The following WRN variants were observed in gnomAD, a reference collection of about 807,000 sequenced individuals.
The protein encoded by WRN is bifunctional 3'-5' exonuclease/ATP-dependent helicase WRN.
WRN carries 149 observed loss-of-function variants against 180.7 expected under a neutral mutation model. The observed-to-expected ratio is 0.82, with a 90% confidence interval of 0.72 to 0.94. WRN has a LOEUF of 0.94. Ranked by LOEUF, WRN falls within the 40% of genes least tolerant of loss-of-function variation. The pLI is 0.00. For missense variants in WRN, 1,661 were observed against 1,700.1 expected (o/e 0.98, Z 0.40); for synonymous variants, 548 against 568.9 (o/e 0.96, Z 0.52).
At chr8:31,154,228 G>A (rs1803274656) in intron 31 of WRN, among the ~76,000 whole-genome samples, 1 of 151,936 alleles carries the variant, frequency 6.6e-6, no homozygotes, top group South Asian at 2.1e-4. Flanking sequence ...CGATATATTA[G>A]TGGTTATAGT....
At chr8:31,084,933 T>C (rs1166974776) in intron 10 of WRN, among the ~76,000 whole-genome samples, 1 of 152,162 alleles carries the variant, frequency 6.6e-6, no homozygotes, top group Non-Finnish European at 1.5e-5. Flanking sequence ...TTTGTCTCTT[T>C]ATCTAACTTT....
At chr8:31,082,759 G>T (rs1813369341) in intron 9 of WRN, among the ~76,000 whole-genome samples, 1 of 151,916 alleles carries the variant, frequency 6.6e-6, no homozygotes, top group South Asian at 2.1e-4. Flanking sequence ...ACCACACCCG[G>T]CTAATTTTTG....
intron 23 of WRN, among the ~76,000 whole-genome samples, chr8:31,126,379 AC>A (rs1801933378): frequency 6.6e-6 from 1 of 152,228 alleles, no homozygotes; most frequent in Non-Finnish European, 1.5e-5. Flanking sequence ...ATTAAATAAC[AC>A]ACTTATAAAT....
Position 31,173,001 on chromosome 8 carries a change from T to G in WRN, c.4198T>G (p.Ser1400Ala). The change falls in exon 35 of 35, where the codon TCT (serine) becomes GCT (alanine). Residue 1400 changes from serine (S) to alanine (A), a missense_variant. By Grantham distance (99) the Ser-to-Ala change is moderately conservative. Coordinates refer to ENST00000298139, the MANE Select transcript of WRN (RefSeq NM_000553.6). ...TTCTTTCTATTTCCTACAGACTTCA[T>G]CTGCAGAGAGAAAGAGACGATTACC... ...EEVGINTETS[S>A]AERKRRLPVW... 6.2e-7 allele frequency: 1 copy of G among 1,613,744 alleles called. No homozygotes were observed. The highest frequency in any genetic ancestry group is 8.5e-7 in the Non-Finnish European group (1 of 1,179,788).
At chr8:31,116,597 T>C in intron 20 of WRN, 69 bp downstream of exon 20, 1 of 1,587,630 alleles carries the variant, frequency 6.3e-7, no homozygotes, top group Non-Finnish European at 8.6e-7. Flanking sequence ...AATGTTTATT[T>C]ACCAGATCTT....
intron 24 of WRN, among the ~76,000 whole-genome samples, chr8:31,138,136 C>T (rs1029017532): frequency 6.6e-6 from 1 of 151,936 alleles, no homozygotes; most frequent in Admixed American, 6.6e-5. Context: ...ATCTGGAGGC[C>T]TGTGTTCTAG....
chr8:31,073,141 A>G (rs1269193375), intron 7 of WRN, among the ~76,000 whole-genome samples: 7 of 152,188 alleles, frequency 4.6e-5, no homozygotes, highest in Admixed American at 6.5e-5. Context: ...TTAAAATTTT[A>G]TTTTAGAAAT....
At chr8:31,162,283 TTTG>T (rs1401611213) in intron 33 of WRN, among the ~76,000 whole-genome samples, 2 of 152,368 alleles carry the variant, frequency 1.3e-5, no homozygotes, top group Non-Finnish European at 2.9e-5. Flanking sequence ...TTTTGTTAAA[TTTG>T]TTTTTACTTT....
At chr8:31,051,766 ACAATGGGTTGTTAATAACGCCAGC>A (rs1458778321) in intron 1 of WRN, among the ~76,000 whole-genome samples, 1 of 152,208 alleles carries the variant, frequency 6.6e-6, no homozygotes, top group Non-Finnish European at 1.5e-5. Flanking sequence ...AAAAATCACC[ACAATGGGTTGTTAATAACGCCAGC>A]CTTGAACTTT....
chr8:31,083,257 A>T (rs191797487), intron 9 of WRN, among the ~76,000 whole-genome samples: 16 of 152,342 alleles, frequency 1.1e-4, no homozygotes, highest in African/African-American at 3.8e-4. Flanking sequence ...TTATTTAAAG[A>T]TATTACAATC....
intron 3 of WRN, 120 bp from the exon 4 acceptor site, chr8:31,064,169 A>G (rs1196305646): frequency 2.8e-6 from 3 of 1,071,040 alleles, no homozygotes; most frequent in Admixed American, 2.3e-5. Context: ...TGTCAGTTGT[A>G]TGTGCTCCAG....
intron 32 of WRN, among the ~76,000 whole-genome samples, chr8:31,155,549 G>T (rs1236898981): frequency 1.3e-5 from 2 of 150,606 alleles, no homozygotes; most frequent in South Asian, 4.2e-4. Flanking sequence ...ATGAACCCAG[G>T]AGGCAGAGGT....
chr8:31,142,711 A>G lies in WRN; in HGVS notation c.3309+10A>G. ...AAGTACAGAGAAGAAGGTTTGTTTT[A>G]AAGAAATTGTTCTGATTTATTTCAT... On this transcript the variant is annotated intron_variant, in intron 27 of 34. Transcript: ENST00000298139. The G allele has an allele frequency of 6.3e-7, 1 of 1,591,750 alleles. No individual in the cohort carries two copies. The highest frequency in any genetic ancestry group is 8.6e-7 in the Non-Finnish European group (1 of 1,164,972).
intron 19 of WRN, among the ~76,000 whole-genome samples, chr8:31,114,320 C>T (rs1801430834): frequency 6.6e-6 from 1 of 152,022 alleles, no homozygotes; most frequent in African/African-American, 2.4e-5. Flanking sequence ...ATTCATAGTA[C>T]ATTTAAGTGA....
At chr8:31,064,460 A>G in intron 4 of WRN, 26 bp downstream of exon 4, 2 of 1,613,744 alleles carry the variant, frequency 1.2e-6, no homozygotes, top group Non-Finnish European at 1.7e-6. Context: ...TTTCATTTTT[A>G]TATGGCTGAT....
chr8:31,044,123 G>A (rs1177670218), intron 1 of WRN, among the ~76,000 whole-genome samples: 1 of 148,610 alleles, frequency 6.7e-6, no homozygotes, highest in African/African-American at 2.5e-5. Flanking sequence ...CTCACTGCAA[G>A]CTCCGCCTCC....
intron 23 of WRN, 142 bp downstream of exon 23, chr8:31,125,142 C>A: frequency 1.3e-6 from 1 of 789,566 alleles, no homozygotes; most frequent in Non-Finnish European, 2.1e-6. Context: ...AGAAAGCAAA[C>A]AATATTAAAG....
At position 31,126,916 on chromosome 8, in the gene WRN, G is replaced by A. The variant is rs1009236915; in HGVS notation, c.2825+1916G>A. Among the ~76,000 whole-genome samples, 5 of 152,180 alleles carry A rather than the reference G, an allele frequency of 3.3e-5. No individual in the cohort carries two copies. The South Asian group carries it at 8.3e-4, about 25-fold the overall frequency. Reference sequence around the variant, plus strand: ...AGGGAATTTCACTACAGACCTCCCAGGTATTACTAGGGATGATAAGGGAAC... The same window carrying A: ...AGGGAATTTCACTACAGACCTCCCAAGTATTACTAGGGATGATAAGGGAAC... On this transcript the variant is annotated intron_variant, in intron 23 of 34. Transcript: ENST00000298139.
intron 18 of WRN, among the ~76,000 whole-genome samples, chr8:31,102,498 G>A (rs1800915804): frequency 6.6e-6 from 1 of 152,198 alleles, no homozygotes. Context: ...ATATGATAGA[G>A]CCTATTGCTC....
Sources: gnomAD v4.1 joint callset for allele counts (sites outside exome capture counted in the v4.1 genomes callset) on GRCh38, gnomAD v4.1.1 for gene constraint, MANE v1.5 for transcripts, NCBI Gene and HGNC (gene_info 2026-07-23, HGNC 2026-07-21) for gene names.